Variants in DGKB observed in about 807,000 individuals in gnomAD.
DGKB encodes diacylglycerol kinase beta.
A neutral mutation model predicts 114.3 loss-of-function variants in DGKB; 67 were observed. The observed-to-expected ratio is 0.59, with a 90% confidence interval of 0.48 to 0.72. DGKB has a LOEUF of 0.72. Among genes scored for constraint, DGKB ranks in the 30% least tolerant of loss-of-function variants. The probability of loss-of-function intolerance (pLI) is 0.00; values close to 1 mark genes in which losing one functional copy is unlikely to be tolerated. For missense variants in DGKB, 907 were observed against 975.2 expected (o/e 0.93, Z 0.93); for synonymous variants, 398 against 323.1 (o/e 1.23, Z -2.49).
At chr7:14,835,953 T>C (rs1847102132) in intron 2 of DGKB, among the ~76,000 whole-genome samples, 1 of 152,230 alleles carries the variant, frequency 6.6e-6, no homozygotes. Flanking sequence ...ACTTGTATAC[T>C]ATTTACAGTA....
intron 1 of DGKB, among the ~76,000 whole-genome samples, chr7:14,949,690 T>A (rs151073941): frequency 2.0e-5 from 3 of 152,008 alleles, no homozygotes; most frequent in African/African-American, 7.2e-5. Flanking sequence ...TGCAAAGAGA[T>A]GAACACAGGC....
At chr7:14,875,990 A>T (rs1853225622) in intron 1 of DGKB, among the ~76,000 whole-genome samples, 1 of 152,168 alleles carries the variant, frequency 6.6e-6, no homozygotes, top group African/African-American at 2.4e-5. Context: ...TTCAGGTAAA[A>T]AATAAGACCT....
intron 21 of DGKB, among the ~76,000 whole-genome samples, chr7:14,451,395 G>A (rs778896250): frequency 2.0e-5 from 3 of 152,102 alleles, no homozygotes; most frequent in East Asian, 1.9e-4. Flanking sequence ...CACTAAAACC[G>A]TTACCCTGTC....
intron 5 of DGKB, among the ~76,000 whole-genome samples, chr7:14,727,840 C>T (rs1478435025): frequency 6.6e-6 from 1 of 152,156 alleles, no homozygotes; most frequent in Non-Finnish European, 1.5e-5. Context: ...TTAATATCCT[C>T]AAGACAGTCC....
intron 23 of DGKB, among the ~76,000 whole-genome samples, chr7:14,270,800 A>T (rs552847140): frequency 7.2e-5 from 11 of 152,306 alleles, no homozygotes; most frequent in Admixed American, 3.9e-4. Context: ...AAAGTTGCTT[A>T]AGGAGATTTC....
intron 18 of DGKB, among the ~76,000 whole-genome samples, chr7:14,582,544 G>C (rs1800095733): frequency 6.6e-6 from 1 of 152,010 alleles, no homozygotes; most frequent in African/African-American, 2.4e-5. Context: ...CTCTACATGG[G>C]ATTATTAATA....
At chr7:14,497,299 C>A (rs1380001056) in intron 20 of DGKB, among the ~76,000 whole-genome samples, 1 of 151,486 alleles carries the variant, frequency 6.6e-6, no homozygotes, top group African/African-American at 2.4e-5. Flanking sequence ...ACAATTCACC[C>A]ACATAACGAA....
intron 2 of DGKB, among the ~76,000 whole-genome samples, chr7:14,772,349 A>C (rs981367567): frequency 2.0e-5 from 3 of 152,196 alleles, no homozygotes; most frequent in Admixed American, 2.0e-4. Context: ...CAATAAATAA[A>C]GTATGAAAAA....
chr7:14,454,743 C>T lies in DGKB; in HGVS notation c.1835+23418G>A, dbSNP rs189227714. On this transcript the variant is annotated intron_variant, in intron 21 of 25. Transcript: ENST00000402815. ...GAGTTACTGGACCCCTGCATTATAGCATCAATATCCTGCATACACTTGAGT... is the reference window on the plus strand; with the variant it reads ...GAGTTACTGGACCCCTGCATTATAGTATCAATATCCTGCATACACTTGAGT... Among the ~76,000 whole-genome samples, 130 of 152,100 alleles carry T rather than the reference C, an allele frequency of 8.5e-4. 1 individual carries two copies. Among genetic ancestry groups the T allele is most frequent in the Non-Finnish European group, 1.8e-3 (120 of 67,924 alleles).
intron 1 of DGKB, among the ~76,000 whole-genome samples, chr7:14,960,752 C>A (rs780864299): frequency 6.6e-6 from 1 of 152,044 alleles, no homozygotes; most frequent in Non-Finnish European, 1.5e-5. Context: ...CATCACAGAT[C>A]ATCTTTTTGC....
chr7:14,276,811 A>C (rs1007213231), intron 23 of DGKB, among the ~76,000 whole-genome samples: 1 of 151,948 alleles, frequency 6.6e-6, no homozygotes, highest in Non-Finnish European at 1.5e-5. Flanking sequence ...TAAAGGAAGA[A>C]AACATTTATA....
At chr7:14,461,674 G>A (rs185534496) in intron 21 of DGKB, among the ~76,000 whole-genome samples, 318 of 151,560 alleles carry the variant, frequency 2.1e-3, no homozygotes, top group Non-Finnish European at 3.4e-3. Context: ...TCTACCAGAG[G>A]TATGAAGAGG....
upstream of DGKB, among the ~76,000 whole-genome samples, chr7:14,905,479 T>C (rs1157536217): frequency 6.6e-6 from 1 of 152,128 alleles, no homozygotes; most frequent in Non-Finnish European, 1.5e-5. Context: ...TCTGCTCCCA[T>C]CACTAGATTT....
At chr7:14,714,090 CACACA>C (rs1827804002) in intron 6 of DGKB, among the ~76,000 whole-genome samples, 1 of 151,528 alleles carries the variant, frequency 6.6e-6, no homozygotes, top group East Asian at 1.9e-4. Context: ...CACACACACA[CACACA>C]CACACACACA....
chr7:14,737,819 G>A (rs1232461449), intron 4 of DGKB, among the ~76,000 whole-genome samples: 13 of 151,432 alleles, frequency 8.6e-5, no homozygotes, highest in East Asian at 1.9e-4. Context: ...ATTCTAGCCC[G>A]GGAGGTGGAG....
At chr7:14,909,670 T>C (rs1248921048) in intron 1 of DGKB, among the ~76,000 whole-genome samples, 1 of 152,194 alleles carries the variant, frequency 6.6e-6, no homozygotes, top group African/African-American at 2.4e-5. Context: ...AATGATTAAA[T>C]ATATATTTAA....
chr7:14,178,783 A>G (rs1221968898), intron 23 of DGKB, among the ~76,000 whole-genome samples: 1 of 152,142 alleles, frequency 6.6e-6, no homozygotes, highest in East Asian at 1.9e-4. Context: ...AGTATACTAG[A>G]TAATTAGTCC....
intron 1 of DGKB, among the ~76,000 whole-genome samples, chr7:14,947,555 T>C (rs28378173): frequency 0.087 from 6,683 of 76,490 alleles, 440 homozygotes; most frequent in African/African-American, 0.32. Flanking sequence ...ATAGGATATA[T>C]TAAATGATAC....
intron 5 of DGKB, 47 bp from the exon 6 acceptor site, chr7:14,718,732 C>T (rs753707150): frequency 2.2e-6 from 3 of 1,388,530 alleles, no homozygotes; most frequent in South Asian, 1.3e-5. Context: ...TTACAGTGAT[C>T]TCAAACAGAA....
Sources: allele counts gnomAD v4.1 joint callset (sites outside exome capture counted in the v4.1 genomes callset), GRCh38; gene constraint gnomAD v4.1.1; transcripts MANE v1.5; gene names NCBI Gene and HGNC (gene_info 2026-07-23, HGNC 2026-07-21).